The following TMTC1 variants were observed in gnomAD, a reference collection of about 807,000 sequenced individuals.
The protein encoded by TMTC1 is protein O-mannosyl-transferase TMTC1.
In TMTC1, 73 loss-of-function variants were observed where a neutral mutation model predicts 104.8. The ratio of observed to expected loss-of-function variants is 0.70; its 90% CI spans 0.58 to 0.85. TMTC1 has a LOEUF of 0.85. Among genes scored for constraint, TMTC1 ranks in the 40% least tolerant of loss-of-function variants. The pLI, the probability that TMTC1 is intolerant of heterozygous loss-of-function variation, is 0.00. For synonymous variants in TMTC1, 434 were observed against 428.7 expected (o/e 1.01, Z -0.15); for missense variants, 1,035 against 1,096.1 (o/e 0.94, Z 0.79).
intron 5 of TMTC1, among the ~76,000 whole-genome samples, chr12:29,708,565 C>A (rs1025206360): frequency 6.6e-6 from 1 of 152,122 alleles, no homozygotes; most frequent in East Asian, 1.9e-4. Flanking sequence ...AAGTATTTTA[C>A]CCATAAAGCC....
At chr12:29,590,967 A>G (rs1946266357) in intron 7 of TMTC1, among the ~76,000 whole-genome samples, 1 of 152,156 alleles carries the variant, frequency 6.6e-6, no homozygotes, top group Admixed American at 6.6e-5. Context: ...TTAGGTTGAC[A>G]ATAGTTTGTG....
chr12:29,596,133 A>C (rs961743031), intron 7 of TMTC1, among the ~76,000 whole-genome samples: 3 of 152,144 alleles, frequency 2.0e-5, no homozygotes, highest in Admixed American at 2.0e-4. Context: ...CAACCTCCCA[A>C]GTAGCTGCGA....
intron 5 of TMTC1, among the ~76,000 whole-genome samples, chr12:29,728,186 C>T (rs1942450608): frequency 6.6e-6 from 1 of 152,174 alleles, no homozygotes; most frequent in Non-Finnish European, 1.5e-5. Context: ...TCCTCTGTGA[C>T]AGGGAGTGAG....
intron 11 of TMTC1, among the ~76,000 whole-genome samples, chr12:29,526,995 A>G (rs1944366777): frequency 1.3e-5 from 2 of 152,194 alleles, no homozygotes; most frequent in Non-Finnish European, 2.9e-5. Flanking sequence ...AAATAAGTCT[A>G]TAAACTCTCT....
chr12:29,698,987 T>G (rs11050396), intron 5 of TMTC1, among the ~76,000 whole-genome samples: 34,879 of 152,118 alleles, frequency 0.23, 4,516 homozygotes, highest in Non-Finnish European at 0.31. Flanking sequence ...TTTGACTTTT[T>G]GATAGGTGAG....
chr12:29,664,739 TGACA>T (rs1940208889), intron 5 of TMTC1, among the ~76,000 whole-genome samples: 1 of 152,246 alleles, frequency 6.6e-6, no homozygotes, highest in African/African-American at 2.4e-5. Context: ...TACTTAACTA[TGACA>T]TCAGATTCTC....
At chr12:29,666,647 C>G (rs1029918449) in intron 5 of TMTC1, among the ~76,000 whole-genome samples, 2 of 152,114 alleles carry the variant, frequency 1.3e-5, no homozygotes, top group Admixed American at 1.3e-4. Context: ...AACCACTTTC[C>G]ACTGGAAATG....
intron 10 of TMTC1, among the ~76,000 whole-genome samples, chr12:29,554,558 A>G (rs895902937): frequency 6.6e-6 from 1 of 152,152 alleles, no homozygotes; most frequent in African/African-American, 2.4e-5. Flanking sequence ...ATTAAAACCT[A>G]TATTGTGCTA....
rs1282641081 is a variant in TMTC1, at chr12:29,501,709, T to A, written c.*5137A>T. On this transcript the variant is annotated 3_prime_UTR_variant, in exon 18 of 18. Transcript: ENST00000539277. ...ACATGTCTCTCCAGGTAGGAGTCAATGGTGATCTATGCTTACAAACCAATA... is the reference window on the plus strand; with the variant it reads ...ACATGTCTCTCCAGGTAGGAGTCAAAGGTGATCTATGCTTACAAACCAATA... 6.6e-6 allele frequency: 1 copy of A among 152,182 alleles called. No homozygotes were observed. The highest frequency in any genetic ancestry group is 2.1e-4 in the South Asian group (1 of 4,830). The allele number at this position is 152,182 out of a possible 1,614,324, so 9.4% of individuals were successfully genotyped here.
intron 5 of TMTC1, among the ~76,000 whole-genome samples, chr12:29,739,418 C>T (rs1942766974): frequency 6.6e-6 from 1 of 152,180 alleles, no homozygotes; most frequent in South Asian, 2.1e-4. Context: ...TAAGACTCAG[C>T]TTGAGCCAAA....
chr12:29,535,922 A>C, intron 11 of TMTC1: 1 of 323,936 alleles, frequency 3.1e-6, no homozygotes, highest in Non-Finnish European at 5.6e-6. Context: ...AAGTGGTAAT[A>C]AAAACATCAA....
intron 5 of TMTC1, among the ~76,000 whole-genome samples, chr12:29,689,459 G>T (rs763956674): frequency 1.3e-5 from 2 of 152,068 alleles, no homozygotes; most frequent in East Asian, 1.9e-4. Context: ...GACTACAGGC[G>T]TGCGCCACCA....
chr12:29,560,764 C>CT (rs1945357952), intron 9 of TMTC1, among the ~76,000 whole-genome samples: 1 of 152,022 alleles, frequency 6.6e-6, no homozygotes, highest in Non-Finnish European at 1.5e-5. Flanking sequence ...GTGACATTTC[C>CT]TTAAGTAGAA....
rs1212103706 is a variant in TMTC1 at position 29,516,464 on chromosome 12, C to T, written c.2192G>A (p.Gly731Asp). 13 of 1,613,660 alleles carry T rather than the reference C, an allele frequency of 8.1e-6. No homozygotes were observed. The East Asian group carries it at 2.9e-4, about 36-fold the overall frequency. The part of the protein sequence containing the change: ...LALAQVLAVM[G>D]QTKEAEKMTN... ...CATCTTTTCAGCTTCTTTTGTCTGA[C>T]CCATCACGGCCAAAACCTGAGCCTA... The change falls in exon 15 of 18, where the codon GGT (glycine) becomes GAT (aspartate). Residue 731 changes from glycine to aspartate, a missense_variant. Coordinates refer to ENST00000539277, the MANE Select transcript of TMTC1 (RefSeq NM_001193451.2).
At chr12:29,756,532 C>T (rs1298853889) in intron 3 of TMTC1, among the ~76,000 whole-genome samples, 3 of 152,112 alleles carry the variant, frequency 2.0e-5, no homozygotes, top group Non-Finnish European at 4.4e-5. Flanking sequence ...TGGCTAAATT[C>T]ATTTAGCCAA....
intron 5 of TMTC1, among the ~76,000 whole-genome samples, chr12:29,707,397 C>G (rs1166039756): frequency 6.6e-6 from 1 of 152,166 alleles, no homozygotes; most frequent in Non-Finnish European, 1.5e-5. Context: ...CCCTGCCAGC[C>G]CCTTCAACCC....
At chr12:29,748,188 G>A (rs1943003883) in intron 5 of TMTC1, among the ~76,000 whole-genome samples, 1 of 152,152 alleles carries the variant, frequency 6.6e-6, no homozygotes. Flanking sequence ...AATTCCAGCT[G>A]TGCTATCTGC....
intron 5 of TMTC1, 31 bp downstream of exon 5, chr12:29,751,635 C>T: frequency 1.9e-6 from 3 of 1,612,910 alleles, no homozygotes; most frequent in Non-Finnish European, 1.7e-6. Context: ...ACATTGAAAA[C>T]ATGCAGGGAC....
chr12:29,653,035 C>A (rs918122515), intron 5 of TMTC1, among the ~76,000 whole-genome samples: 3 of 151,848 alleles, frequency 2.0e-5, no homozygotes, highest in African/African-American at 7.3e-5. Context: ...GAACTCCAGT[C>A]TGGGTGACAG....
Sources: allele counts gnomAD v4.1 joint callset (sites outside exome capture counted in the v4.1 genomes callset), GRCh38; gene constraint gnomAD v4.1.1; transcripts MANE v1.5; gene names NCBI Gene and HGNC (gene_info 2026-07-23, HGNC 2026-07-21).